PEX19: variants seen among roughly 807,000 people sequenced by gnomAD.
The protein encoded by PEX19 is peroxisomal biogenesis factor 19.
In PEX19, 29 loss-of-function variants were observed where a neutral mutation model predicts 36.3. That is an observed-to-expected ratio of 0.80 (90% CI 0.60 to 1.09). The LOEUF is 1.09. PEX19 is among the 50% of genes least tolerant of loss of function. The probability of loss-of-function intolerance (pLI) is 0.00; values close to 1 mark genes in which losing one functional copy is unlikely to be tolerated. For missense variants in PEX19, 396 were observed against 368.1 expected, an observed-to-expected ratio of 1.08 and a Z score of -0.62; for synonymous variants, 141 against 135.2, an observed-to-expected ratio of 1.04 and a Z score of -0.30.
chr1:160,282,014 A>G, intron 5 of PEX19, 25 bp downstream of exon 5: 2 of 1,607,854 alleles, frequency 1.2e-6, no homozygotes, highest in Non-Finnish European at 1.7e-6. Flanking sequence ...ATGAAGAGAA[A>G]AAGCAGAAAT....
At position 160,278,054 on chromosome 1, in the gene PEX19, T is replaced by C. The variant is rs1466875038; in HGVS notation, c.*1497A>G. On this transcript the variant is annotated 3_prime_UTR_variant, in exon 8 of 8. Coordinates refer to ENST00000368072, the MANE Select transcript of PEX19 (RefSeq NM_002857.4). The stretch of plus-strand genomic sequence containing the variant: ...GTCAGAAGCTCAAAGCGACTCATAA[T>C]GCATGTGAATTTGCTTTGGAGAGAC... The C allele has an allele frequency of 2.8e-6, 2 of 702,338 alleles. No individual in the cohort carries two copies. The highest frequency in any genetic ancestry group is 1.7e-5 in the African/African-American group (1 of 57,352). 43.5% of individuals were successfully genotyped at this position (702,338 alleles called of 1,614,324 possible). A position where few individuals can be genotyped will look rare whatever the true frequency, so the allele number is the denominator to read the frequency against.
Position 160,277,894 on chromosome 1 carries a change from A to C in PEX19, c.*1657T>G, listed in dbSNP as rs1657604198. The stretch of plus-strand genomic sequence containing the variant: ...TTTACATTCAGATCTGGGCTCTTCC[A>C]TGCTCTGGTAAGGTATAGGAGTTGG... On this transcript the variant is annotated 3_prime_UTR_variant, in exon 8 of 8. Coordinates refer to ENST00000368072, the MANE Select transcript of PEX19 (RefSeq NM_002857.4). 1 of 672,906 alleles carries C rather than the reference A, an allele frequency of 1.5e-6. No individual in the cohort carries two copies. The highest frequency in any genetic ancestry group is 2.7e-6 in the Non-Finnish European group (1 of 368,620). The allele number at this position is 672,906 out of a possible 1,614,324, so 41.7% of individuals were successfully genotyped here.
intron 1 of PEX19, 51 bp from the exon 2 acceptor site, chr1:160,283,690 A>C: frequency 7.2e-7 from 1 of 1,395,984 alleles, no homozygotes; most frequent in Non-Finnish European, 1.0e-6. Context: ...TGAGAATGCA[A>C]GCAAGGCTGG....
At chr1:160,284,543 A>C (rs992474089) in intron 1 of PEX19, among the ~76,000 whole-genome samples, 3 of 152,178 alleles carry the variant, frequency 2.0e-5, no homozygotes, top group African/African-American at 7.2e-5. Context: ...CGCTTGAGCT[A>C]CTGACAAGAT....
chr1:160,279,795 A>G lies in PEX19; in HGVS notation c.816+6T>C. Reference sequence around the variant, plus strand: ...ATTAAAATCTGGAAAAATAAGACATACTCACCATCTCTCCAGCCAGCTCTT... The same window carrying G: ...ATTAAAATCTGGAAAAATAAGACATGCTCACCATCTCTCCAGCCAGCTCTT... On this transcript the variant is annotated splice_donor_region_variant and intron_variant, in intron 7 of 7. Coordinates refer to ENST00000368072, the MANE Select transcript of PEX19 (RefSeq NM_002857.4). The G allele has an allele frequency of 6.2e-7, 1 of 1,611,420 alleles. No individual in the cohort carries two copies. The highest frequency in any genetic ancestry group is 8.5e-7 in the Non-Finnish European group (1 of 1,177,594).
intron 6 of PEX19, 25 bp downstream of exon 6, chr1:160,280,045 G>A (rs776903881): frequency 2.5e-5 from 40 of 1,606,548 alleles, no homozygotes; most frequent in Non-Finnish European, 3.3e-5. Context: ...GACAGCACCA[G>A]TGGGCAGAAG....
Position 160,279,653 on chromosome 1 carries a change from G to A in PEX19, c.817-19C>T, listed in dbSNP as rs1284493350. 2 of 1,604,886 alleles carry A rather than the reference G, an allele frequency of 1.2e-6. No individual in the cohort carries two copies. Among genetic ancestry groups the A allele is most frequent in the Admixed American group, 3.3e-5 (2 of 59,990 alleles). On this transcript the variant is annotated intron_variant, in intron 7 of 7. Transcript: ENST00000368072. ...CAGGAGGCTGGGGAAGAGATGAAGG[G>A]ACTCAGATAGTTGCTCATTTTTTAG...
At chr1:160,281,814 C>T (rs1255414169) in intron 5 of PEX19, among the ~76,000 whole-genome samples, 1 of 152,144 alleles carries the variant, frequency 6.6e-6, no homozygotes, top group Non-Finnish European at 1.5e-5. Context: ...TCCTCTTAGA[C>T]CCCAAACGTT....
chr1:160,279,947 G>A, intron 6 of PEX19, 102 bp from the exon 7 acceptor site: 2 of 1,381,340 alleles, frequency 1.4e-6, no homozygotes, highest in Non-Finnish European at 2.1e-6. Context: ...TTTCTTCTGA[G>A]AGAGATCACA....
In PEX19 at chr1:160,285,050, C is replaced by G. The variant is rs1158588649; in HGVS notation, c.70+5G>C. ...CTTCGGGCCTTTCCCACTATGGGCT[C>G]TTACTTTCCAGAAGCTCCTCCAATT... On this transcript the variant is annotated splice_donor_5th_base_variant and intron_variant, in intron 1 of 7. Coordinates refer to ENST00000368072, the MANE Select transcript of PEX19 (RefSeq NM_002857.4). 2.5e-6 allele frequency: 4 copies of G among 1,609,598 alleles called. No homozygotes were observed. The highest frequency in any genetic ancestry group is 1.7e-5 in the Admixed American group (1 of 60,018).
rs921605831 is a variant in PEX19, at chr1:160,277,840, T to C, written c.*1711A>G. ...GACTATATCACAAGTATACCTGTAT[T>C]TTTTCCATCTCTGGCAGAACAGAGA... On this transcript the variant is annotated 3_prime_UTR_variant, in exon 8 of 8. Transcript: ENST00000368072. 1.7e-6 allele frequency: 1 copy of C among 589,662 alleles called. No homozygotes were observed. Among genetic ancestry groups the C allele is most frequent in the Admixed American group, 2.1e-5 (1 of 46,760 alleles). The allele number at this position is 589,662 out of a possible 1,614,324, so 36.5% of individuals were successfully genotyped here.
intron 5 of PEX19, 52 bp downstream of exon 5, chr1:160,281,987 A>G: frequency 6.7e-7 from 1 of 1,494,432 alleles, no homozygotes; most frequent in East Asian, 2.3e-5. Context: ...AGCCCACATC[A>G]GTTGATGTGA....
chr1:160,284,953 G>A, intron 1 of PEX19, 102 bp downstream of exon 1: 1 of 926,560 alleles, frequency 1.1e-6, no homozygotes. Context: ...TTAACCTTTG[G>A]AGAGCCTCTC....
intron 1 of PEX19, among the ~76,000 whole-genome samples, 173 bp downstream of exon 1, chr1:160,284,882 G>A (rs891369597): frequency 6.6e-6 from 1 of 152,168 alleles, no homozygotes; most frequent in Admixed American, 6.5e-5. Context: ...CAGTCGCCGG[G>A]GTGGGGCAGG....
Position 160,283,048 on chromosome 1 carries a change from G to A in PEX19, c.242C>T (p.Ser81Phe), listed in dbSNP as rs766263544. The change falls in exon 3 of 8, where the codon TCC (serine) becomes TTC (phenylalanine). Residue 81 changes from serine (S) to phenylalanine (F), a missense_variant. Ser to Phe is a radical substitution (Grantham distance 155). Coordinates refer to ENST00000368072, the MANE Select transcript of PEX19 (RefSeq NM_002857.4). ...CTTCTCGAACTCCGCAGTGGCTTGG[G>A]AAGCCAGTTCACTGTCGAATAGTTC... ...FQELFDSELA[S>F]QATAEFEKAM... The A allele has an allele frequency of 1.2e-6, 2 of 1,614,008 alleles. No individual in the cohort carries two copies. The highest frequency in any genetic ancestry group is 1.3e-5 in the African/African-American group (1 of 74,930).
At position 160,276,808 on chromosome 1, in the gene PEX19, C is replaced by A. The variant is rs1267726785; in HGVS notation, c.*2743G>T. On this transcript the variant is annotated 3_prime_UTR_variant, in exon 8 of 8. Transcript: ENST00000368072. Reference sequence around the variant, plus strand: ...ACCTTCCAGAGTCACAGGAAAATGTCCCAATTATCAAAAAGTCTGTATTAA... The same window carrying A: ...ACCTTCCAGAGTCACAGGAAAATGTACCAATTATCAAAAAGTCTGTATTAA... The A allele has an allele frequency of 2.7e-6, 1 of 371,302 alleles. No homozygotes were observed. The highest frequency in any genetic ancestry group is 2.1e-5 in the South Asian group (1 of 47,832). 23.0% of individuals were successfully genotyped at this position (371,302 alleles called of 1,614,324 possible).
rs558387492 is a variant in PEX19, at chr1:160,279,787, T to A, written c.816+14A>T. 48 of 1,610,184 alleles carry A rather than the reference T, an allele frequency of 3.0e-5. No individual in the cohort carries two copies. In the Admixed American group the frequency reaches 4.2e-4, roughly 14 times the overall value. ...GGACTCAAATTAAAATCTGGAAAAA[T>A]AAGACATACTCACCATCTCTCCAGC... On this transcript the variant is annotated intron_variant, in intron 7 of 7. Coordinates refer to ENST00000368072, the MANE Select transcript of PEX19 (RefSeq NM_002857.4).
Position 160,279,304 on chromosome 1 carries a change from G to C in PEX19, c.*247C>G, listed in dbSNP as rs1420013286. On this transcript the variant is annotated 3_prime_UTR_variant, in exon 8 of 8. Coordinates refer to ENST00000368072, the MANE Select transcript of PEX19 (RefSeq NM_002857.4). ...GATGCCTTCCTTCACCTTGCAGGTA[G>C]CTGGAACTTTGATAGTGGCAGAAAC... 1.5e-6 allele frequency: 1 copy of C among 665,348 alleles called. No homozygotes were observed. The highest frequency in any genetic ancestry group is 2.8e-6 in the Non-Finnish European group (1 of 362,946). The allele number at this position is 665,348 out of a possible 1,614,324, so 41.2% of individuals were successfully genotyped here. A position where few individuals can be genotyped will look rare whatever the true frequency, so the allele number is the denominator to read the frequency against.
rs759656591 is a variant in PEX19, at chr1:160,282,495, A to T, written c.354T>A (p.Asp118Glu). ...AAGTGAATTCTTGTTGGGAGGTCAT[A>T]TCACTGCCTAGGAGAGATTAAAAAA... ...LSEAAGRVGSDMTSQQEFTSC... is the reference protein window; with the variant it reads ...LSEAAGRVGSEMTSQQEFTSC... The change falls in exon 4 of 8, where the codon GAT (aspartate) becomes GAA (glutamate). Residue 118 changes from aspartate to glutamate, a missense_variant. By Grantham distance (45) the Asp-to-Glu change is conservative. Transcript: ENST00000368072. 6.2e-7 allele frequency: 1 copy of T among 1,613,418 alleles called. No homozygotes were observed. The highest frequency in any genetic ancestry group is 1.1e-5 in the South Asian group (1 of 91,062).
Sources: gnomAD v4.1 joint callset for allele counts (sites outside exome capture counted in the v4.1 genomes callset) on GRCh38, gnomAD v4.1.1 for gene constraint, MANE v1.5 for transcripts, NCBI Gene and HGNC (gene_info 2026-07-23, HGNC 2026-07-21) for gene names.